The following GRXCR2 variants were observed in gnomAD, a reference collection of about 807,000 sequenced individuals.
The protein encoded by GRXCR2 is glutaredoxin domain-containing cysteine-rich protein 2.
In GRXCR2, 23 loss-of-function variants were observed where a neutral mutation model predicts 24.8. The observed-to-expected ratio is 0.93, with a 90% CI of 0.67 to 1.32. The LOEUF (loss-of-function observed/expected upper bound fraction) is 1.32, where lower values mean the gene tolerates loss of function less well. Among genes scored for constraint, GRXCR2 ranks in the 40% most tolerant of loss-of-function variants. The pLI, the probability that GRXCR2 is intolerant of heterozygous loss-of-function variation, is 0.00. For missense variants in GRXCR2, 315 were observed against 303.4 expected, an observed-to-expected ratio of 1.04 and a Z score of -0.28; for synonymous variants, 130 against 116.1, an observed-to-expected ratio of 1.12 and a Z score of -0.77.
upstream of GRXCR2, among the ~76,000 whole-genome samples, chr5:145,873,344 TG>T (rs1368659127): frequency 3.3e-5 from 5 of 152,360 alleles, no homozygotes; most frequent in East Asian, 9.7e-4. Flanking sequence ...GTCTTCTTAT[TG>T]TTAGCAATGA....
At chr5:145,914,675 CAAAAAAAAAAAA>C (rs34955541) in intron 2 of GRXCR2, among the ~76,000 whole-genome samples, 4 of 55,226 alleles carry the variant, frequency 7.2e-5, no homozygotes, top group East Asian at 6.6e-4. Flanking sequence ...GACTCCATCT[CAAAAAAAAAAAA>C]AAAAAAAAAA....
At chr5:145,861,752 A>G (rs1300926088) in intron 2 of GRXCR2, among the ~76,000 whole-genome samples, 1 of 152,200 alleles carries the variant, frequency 6.6e-6, no homozygotes, top group Non-Finnish European at 1.5e-5. Flanking sequence ...CCAACAAGAC[A>G]GCAGGAGTCC....
At chr5:145,920,685 G>A (rs1757309081) in intron 2 of GRXCR2, among the ~76,000 whole-genome samples, 1 of 152,210 alleles carries the variant, frequency 6.6e-6, no homozygotes, top group African/African-American at 2.4e-5. Flanking sequence ...GGTAGCTTCA[G>A]TTCCAGGTCA....
intron 1 of GRXCR2, among the ~76,000 whole-genome samples, chr5:145,868,883 A>G (rs1756477735): frequency 6.6e-6 from 1 of 152,208 alleles, no homozygotes; most frequent in Non-Finnish European, 1.5e-5. Context: ...AGGAAACTCT[A>G]TGGTTGTAAT....
chr5:145,876,191 G>GTGTGTATATATATATATA (rs1412232264), upstream of GRXCR2, among the ~76,000 whole-genome samples: 10 of 105,302 alleles, frequency 9.5e-5, no homozygotes, highest in South Asian at 7.0e-4. Context: ...GTGTGTGTGT[G>GTGTGTATATATATATATA]TATATATATA....
intron 2 of GRXCR2, among the ~76,000 whole-genome samples, chr5:145,913,998 A>G (rs1417958048): frequency 6.6e-6 from 1 of 152,224 alleles, no homozygotes; most frequent in Non-Finnish European, 1.5e-5. Context: ...CAAATGTCTA[A>G]TAGCAGAGGA....
upstream of GRXCR2, among the ~76,000 whole-genome samples, chr5:145,876,603 A>G (rs1475187482): frequency 6.6e-6 from 1 of 152,152 alleles, no homozygotes; most frequent in African/African-American, 2.4e-5. Flanking sequence ...AAACATTTTC[A>G]ATTGCCCCAA....
intron 2 of GRXCR2, among the ~76,000 whole-genome samples, chr5:145,885,557 G>C (rs967778986): frequency 7.9e-5 from 12 of 152,178 alleles, no homozygotes; most frequent in Non-Finnish European, 4.4e-5. Flanking sequence ...TACAGAGCTA[G>C]TAGTTATTTT....
intron 2 of GRXCR2, among the ~76,000 whole-genome samples, chr5:145,862,972 G>T (rs142177571): frequency 3.9e-5 from 6 of 152,232 alleles, no homozygotes; most frequent in African/African-American, 1.4e-4. Context: ...ATGATGAGAT[G>T]ATTATTGCTA....
At chr5:145,883,696 CAGCCTGGGCA>C (rs1324550692) in intron 2 of GRXCR2, among the ~76,000 whole-genome samples, 3 of 152,096 alleles carry the variant, frequency 2.0e-5, no homozygotes, top group African/African-American at 7.2e-5. Flanking sequence ...AGTTCAAGAC[CAGCCTGGGCA>C]AGTTGGTAAA....
intron 2 of GRXCR2, among the ~76,000 whole-genome samples, chr5:145,863,313 A>G (rs906928215): frequency 6.6e-6 from 1 of 152,238 alleles, no homozygotes; most frequent in Non-Finnish European, 1.5e-5. Context: ...GGATTGGGCA[A>G]ACAAATAGCA....
chr5:145,860,369 C>A (rs1756315061), intron 2 of GRXCR2, among the ~76,000 whole-genome samples: 1 of 152,136 alleles, frequency 6.6e-6, no homozygotes, highest in Non-Finnish European at 1.5e-5. Flanking sequence ...GTATTATTAT[C>A]CTTGTGTTGC....
chr5:145,916,063 C>A (rs1392156720), intron 2 of GRXCR2, among the ~76,000 whole-genome samples: 1 of 152,094 alleles, frequency 6.6e-6, no homozygotes, highest in Non-Finnish European at 1.5e-5. Flanking sequence ...TGATGCTCTG[C>A]AGAGAATTCA....
At chr5:145,869,489 G>A (rs967048533) in intron 1 of GRXCR2, among the ~76,000 whole-genome samples, 1 of 151,796 alleles carries the variant, frequency 6.6e-6, no homozygotes, top group Non-Finnish European at 1.5e-5. Context: ...TATTACAATG[G>A]TGGGTAACAT....
upstream of GRXCR2, among the ~76,000 whole-genome samples, chr5:145,877,952 A>T (rs1252914426): frequency 1.3e-5 from 2 of 152,240 alleles, no homozygotes; most frequent in Non-Finnish European, 2.9e-5. Flanking sequence ...CAGCTGAGAG[A>T]CCTGACTGTT....
Position 145,872,714 on chromosome 5 carries a change from G to T in GRXCR2, c.255C>A (p.Ile85=), listed in dbSNP as rs771139842. The T allele has an allele frequency of 1.2e-5, 20 of 1,613,888 alleles. No homozygotes were observed. The African/African-American group carries it at 2.4e-4, about 19-fold the overall frequency. Residue 85 remains isoleucine, a synonymous_variant, in exon 1 of 3, where the codon ATC becomes ATA. Coordinates refer to ENST00000377976, the MANE Select transcript of GRXCR2 (RefSeq NM_001080516.2). Reference sequence around the variant, plus strand: ...AGGCATTACCCTCTCTAAACACACTGATCCTCTGAGCAGTCAGCTTAGGGG... The same window carrying T: ...AGGCATTACCCTCTCTAAACACACTTATCCTCTGAGCAGTCAGCTTAGGGG... ...MCSPKLTAQR[I]SVFREGNAYT...
chr5:145,872,869 G>C lies in GRXCR2; in HGVS notation c.100C>G (p.Gln34Glu). Residue 34 changes from glutamine to glutamate, a missense_variant, in exon 1 of 3, where the codon CAG (glutamine) becomes GAG (glutamate). By Grantham distance (29) the Gln-to-Glu change is conservative. Coordinates refer to ENST00000377976, the MANE Select transcript of GRXCR2 (RefSeq NM_001080516.2). ...AATTCCTGCCCATCCTCAAAGACCTGCTTCAATACTCGACCGCTGTAGGAG... is the reference window on the plus strand; with the variant it reads ...AATTCCTGCCCATCCTCAAAGACCTCCTTCAATACTCGACCGCTGTAGGAG... ...SSSYSGRVLK[Q>E]VFEDGQELES... The C allele has an allele frequency of 6.2e-7, 1 of 1,614,080 alleles. No homozygotes were observed. The highest frequency in any genetic ancestry group is 8.5e-7 in the Non-Finnish European group (1 of 1,179,980).
chr5:145,912,063 C>T (rs1757174009), intron 2 of GRXCR2, among the ~76,000 whole-genome samples: 2 of 152,184 alleles, frequency 1.3e-5, no homozygotes, highest in Non-Finnish European at 2.9e-5. Flanking sequence ...TGCCACTGCA[C>T]TCCATCCTGA....
At chr5:145,894,927 C>G (rs1411503774) in intron 2 of GRXCR2, among the ~76,000 whole-genome samples, 3 of 152,096 alleles carry the variant, frequency 2.0e-5, no homozygotes, top group African/African-American at 7.2e-5. Context: ...CACCAAAAAG[C>G]TTATTCACCA....
Sources: gnomAD v4.1 joint callset for allele counts (sites outside exome capture counted in the v4.1 genomes callset) on GRCh38, gnomAD v4.1.1 for gene constraint, MANE v1.5 for transcripts, NCBI Gene and HGNC (gene_info 2026-07-23, HGNC 2026-07-21) for gene names.